TASP1: variants seen among roughly 807,000 people sequenced by gnomAD.
The protein encoded by TASP1 is threonine aspartase 1.
A neutral mutation model predicts 56.6 loss-of-function variants in TASP1; 16 were observed. The observed-to-expected ratio is 0.28, with a 90% CI of 0.19 to 0.43. The LOEUF (loss-of-function observed/expected upper bound fraction) is 0.43. TASP1 is among the 20% of genes least tolerant of loss of function. TASP1 has a pLI of 1.00. For missense variants in TASP1, 393 were observed against 511.6 expected (o/e 0.77, Z 2.24); for synonymous variants, 179 against 184.2 (o/e 0.97, Z 0.23).
At chr20:13,123,712 T>G in the TASP1 span, among the ~76,000 whole-genome samples, 2 of 152,150 alleles carry the variant, frequency 1.3e-5, no homozygotes, top group African/African-American at 4.8e-5. Context: ...TTATTCCTAA[T>G]TTTAGGACAG....
the TASP1 span, among the ~76,000 whole-genome samples, chr20:13,310,797 A>G: frequency 0.93 from 142,317 of 152,320 alleles, 66,568 homozygotes; most frequent in East Asian, 0.99. Context: ...ACAGAAGGCC[A>G]ATGGATATAT....
chr20:13,549,036 A>G (rs1444903876), intron 8 of TASP1, among the ~76,000 whole-genome samples: 2 of 152,176 alleles, frequency 1.3e-5, no homozygotes, highest in Non-Finnish European at 2.9e-5. Context: ...ATGTATTAAG[A>G]GTATTACACC....
the TASP1 span, among the ~76,000 whole-genome samples, chr20:13,169,593 C>T: frequency 1.3e-5 from 2 of 152,178 alleles, no homozygotes; most frequent in South Asian, 2.1e-4. Flanking sequence ...CAGGCATTAC[C>T]TTGGGCAGGT....
chr20:13,173,115 C>G, the TASP1 span, among the ~76,000 whole-genome samples: 1 of 152,164 alleles, frequency 6.6e-6, no homozygotes, highest in Non-Finnish European at 1.5e-5. Context: ...TCCCTTTACC[C>G]TGTATGATGA....
At chr20:13,454,980 GTTTGA>G (rs945914276) in intron 11 of TASP1, among the ~76,000 whole-genome samples, 8 of 152,064 alleles carry the variant, frequency 5.3e-5, no homozygotes, top group African/African-American at 1.9e-4. Flanking sequence ...AAGCTGACCT[GTTTGA>G]TTTAATTGCA....
At chr20:13,154,305 C>T in the TASP1 span, among the ~76,000 whole-genome samples, 1 of 152,148 alleles carries the variant, frequency 6.6e-6, no homozygotes, top group South Asian at 2.1e-4. Context: ...AGACCCTTCC[C>T]ACAGGTCTTA....
the TASP1 span, among the ~76,000 whole-genome samples, chr20:13,243,364 C>T: frequency 6.6e-6 from 1 of 152,156 alleles, no homozygotes; most frequent in Non-Finnish European, 1.5e-5. Context: ...TCACATAGAT[C>T]ATCCTTTGAT....
At chr20:13,481,185 TGC>T (rs1231978240) in intron 11 of TASP1, among the ~76,000 whole-genome samples, 2 of 152,204 alleles carry the variant, frequency 1.3e-5, no homozygotes, top group African/African-American at 2.4e-5. Context: ...TGTCTTTCTG[TGC>T]CTGGCTTATT....
downstream of TASP1, among the ~76,000 whole-genome samples, chr20:13,387,911 T>C (rs1440742910): frequency 6.6e-6 from 1 of 152,180 alleles, no homozygotes; most frequent in Non-Finnish European, 1.5e-5. Context: ...GACAAGACAG[T>C]CCAATCAGCA....
chr20:13,559,944 CAG>C (rs1397883610), intron 7 of TASP1, among the ~76,000 whole-genome samples: 4 of 152,082 alleles, frequency 2.6e-5, no homozygotes, highest in African/African-American at 9.7e-5. Context: ...GCAAAAATCT[CAG>C]ATACTGGAAT....
rs776780681 is a variant in TASP1 at position 13,458,976 on chromosome 20, T to C, written c.986-23822A>G. Reference sequence around the variant, plus strand: ...TATTCATGTCATGCCTGAACAAGGATAGTGTCTTCTACTAAAACCAGATTG... The same window carrying C: ...TATTCATGTCATGCCTGAACAAGGACAGTGTCTTCTACTAAAACCAGATTG... On this transcript the variant is annotated intron_variant, in intron 11 of 13. Coordinates refer to ENST00000337743, the MANE Select transcript of TASP1 (RefSeq NM_017714.3). Among the ~76,000 whole-genome samples, 229 of 152,160 alleles carry C rather than the reference T, an allele frequency of 1.5e-3. 3 individuals are homozygous for C. Among genetic ancestry groups the C allele is most frequent in the Non-Finnish European group, 3.0e-3 (202 of 68,014 alleles).
the TASP1 span, among the ~76,000 whole-genome samples, chr20:13,246,958 G>A: frequency 5.3e-5 from 8 of 151,974 alleles, no homozygotes; most frequent in Non-Finnish European, 1.0e-4. Context: ...GTATAGTGCC[G>A]GGCCCAGTGG....
intron 11 of TASP1, among the ~76,000 whole-genome samples, chr20:13,478,103 T>C (rs1382649730): frequency 6.6e-6 from 1 of 152,164 alleles, no homozygotes. Flanking sequence ...CTAGCTACTT[T>C]AGGAAAAATA....
At chr20:13,599,238 T>A (rs2047862260) in intron 4 of TASP1, among the ~76,000 whole-genome samples, 1 of 152,198 alleles carries the variant, frequency 6.6e-6, no homozygotes, top group South Asian at 2.1e-4. Context: ...CATACGTTTA[T>A]TTCAGCACTA....
chr20:13,581,190 G>A (rs766941846), intron 5 of TASP1, among the ~76,000 whole-genome samples: 2 of 152,022 alleles, frequency 1.3e-5, no homozygotes, highest in Non-Finnish European at 2.9e-5. Context: ...AGAAAAGAAC[G>A]AATATAAAAT....
At chr20:13,171,046 T>C in the TASP1 span, among the ~76,000 whole-genome samples, 2 of 152,332 alleles carry the variant, frequency 1.3e-5, no homozygotes, top group East Asian at 3.9e-4. Flanking sequence ...CCTGGCATCA[T>C]TTGAATAAAA....
chr20:13,595,824 G>A (rs1653935901), intron 4 of TASP1, among the ~76,000 whole-genome samples: 1 of 152,132 alleles, frequency 6.6e-6, no homozygotes, highest in Non-Finnish European at 1.5e-5. Flanking sequence ...CAACAAGACA[G>A]AAGGTTAACA....
chr20:13,261,425 C>CA, the TASP1 span, among the ~76,000 whole-genome samples: 499 of 105,154 alleles, frequency 4.7e-3, no homozygotes, highest in Non-Finnish European at 5.2e-3. Flanking sequence ...AACTCTGTCT[C>CA]AAAAAAAAAA....
In TASP1 at chr20:13,627,720, C is replaced by T. The variant is rs554467528; in HGVS notation, c.145+2214G>A. Reference sequence around the variant, plus strand: ...ACCACTGCAGCCTGGGCAACAAGAGCGAAACTTAGTCTTAAAAAAAAAAAA... The same window carrying T: ...ACCACTGCAGCCTGGGCAACAAGAGTGAAACTTAGTCTTAAAAAAAAAAAA... On this transcript the variant is annotated intron_variant, in intron 2 of 13. Coordinates refer to ENST00000337743, the MANE Select transcript of TASP1 (RefSeq NM_017714.3). Among the ~76,000 whole-genome samples the T allele has an allele frequency of 1.9e-4, 20 of 104,724 alleles. No individual in the cohort carries two copies. The South Asian group carries it at 5.0e-3, about 26-fold the overall frequency. 68.7% of individuals were successfully genotyped at this position (104,724 alleles called of 152,430 possible).
Sources: gnomAD v4.1 joint callset for allele counts (sites outside exome capture counted in the v4.1 genomes callset) on GRCh38, gnomAD v4.1.1 for gene constraint, MANE v1.5 for transcripts, NCBI Gene and HGNC (gene_info 2026-07-23, HGNC 2026-07-21) for gene names.